The following GRIA1 variants were observed in gnomAD, a reference collection of about 807,000 sequenced individuals.
The protein encoded by GRIA1 is glutamate ionotropic receptor AMPA type subunit 1.
A neutral mutation model predicts 99.2 loss-of-function variants in GRIA1; 31 were observed. The ratio of observed to expected loss-of-function variants is 0.31; its 90% CI spans 0.23 to 0.42. The LOEUF (loss-of-function observed/expected upper bound fraction) is 0.42, where lower values mean the gene tolerates loss of function less well. Ranked by LOEUF, GRIA1 falls within the 10% of genes least tolerant of loss-of-function variation. The probability of loss-of-function intolerance (pLI) is 1.00; values close to 1 mark genes in which losing one functional copy is unlikely to be tolerated. For missense variants in GRIA1, 782 were observed against 1,157.5 expected, an observed-to-expected ratio of 0.68 and a Z score of 4.71; for synonymous variants, 438 against 432.4, an observed-to-expected ratio of 1.01 and a Z score of -0.16.
At chr5:153,617,740 TA>T (rs1766645016) in intron 2 of GRIA1, among the ~76,000 whole-genome samples, 1 of 152,150 alleles carries the variant, frequency 6.6e-6, no homozygotes, top group South Asian at 2.1e-4. Flanking sequence ...TATGACCAAC[TA>T]AAAACTGCTT....
chr5:153,683,757 C>T (rs924125573), intron 7 of GRIA1, among the ~76,000 whole-genome samples: 1 of 152,074 alleles, frequency 6.6e-6, no homozygotes, highest in African/African-American at 2.4e-5. Flanking sequence ...TAGTAGTAGT[C>T]GTCATTATCA....
Position 153,563,614 on chromosome 5 carries a change from T to G in GRIA1, c.220+69549T>G, listed in dbSNP as rs547313446. On this transcript the variant is annotated intron_variant, in intron 2 of 15. Coordinates refer to ENST00000285900, the MANE Select transcript of GRIA1 (RefSeq NM_000827.4). ...GCTTCCACCTCCCACTGACAGTGTA[T>G]GCTTTCCATCAAATATGTGTAATAT... Among the ~76,000 whole-genome samples, 14 of 152,342 alleles carry G rather than the reference T, an allele frequency of 9.2e-5. No homozygotes were observed. The South Asian group carries it at 2.9e-3, about 32-fold the overall frequency.
chr5:153,707,690 ATAT>A (rs1458161739), intron 11 of GRIA1, among the ~76,000 whole-genome samples: 2 of 152,158 alleles, frequency 1.3e-5, no homozygotes, highest in Non-Finnish European at 2.9e-5. Flanking sequence ...AGGAGGACCA[ATAT>A]TCCTAAGCGG....
intron 2 of GRIA1, among the ~76,000 whole-genome samples, chr5:153,630,082 T>A (rs1581365749): frequency 6.6e-6 from 1 of 151,564 alleles, no homozygotes; most frequent in East Asian, 1.9e-4. Flanking sequence ...TGCCTACCTA[T>A]GTTTTAGTCC....
At chr5:153,510,784 C>A (rs769298007) in intron 2 of GRIA1, among the ~76,000 whole-genome samples, 4 of 152,108 alleles carry the variant, frequency 2.6e-5, no homozygotes, top group Non-Finnish European at 5.9e-5. Context: ...CATAAAGTTA[C>A]CTGACATCAA....
chr5:153,505,146 C>T (rs906933568), intron 2 of GRIA1, among the ~76,000 whole-genome samples: 13 of 152,160 alleles, frequency 8.5e-5, no homozygotes, highest in African/African-American at 3.1e-4. Context: ...GGTTCTTTTA[C>T]ATAGGTCATG....
At chr5:153,706,568 G>T (rs1758910883) in intron 11 of GRIA1, among the ~76,000 whole-genome samples, 1 of 152,208 alleles carries the variant, frequency 6.6e-6, no homozygotes, top group Non-Finnish European at 1.5e-5. Context: ...GATTCAGAAT[G>T]CTGTCCTTTC....
intron 11 of GRIA1, among the ~76,000 whole-genome samples, chr5:153,720,167 G>A (rs1311446165): frequency 6.6e-5 from 10 of 152,182 alleles, no homozygotes; most frequent in African/African-American, 2.4e-4. Context: ...GGTTGAAGAA[G>A]TTCACATAGC....
intron 2 of GRIA1, among the ~76,000 whole-genome samples, chr5:153,604,574 T>C (rs957521422): frequency 3.9e-5 from 6 of 152,304 alleles, no homozygotes; most frequent in Non-Finnish European, 4.4e-5. Context: ...GGAATGCTCT[T>C]GTGCCCATCC....
At chr5:153,516,926 C>T (rs978256994) in intron 2 of GRIA1, among the ~76,000 whole-genome samples, 4 of 152,056 alleles carry the variant, frequency 2.6e-5, no homozygotes, top group African/African-American at 9.7e-5. Context: ...CATTCATGGC[C>T]GTATTATGAA....
intron 2 of GRIA1, among the ~76,000 whole-genome samples, chr5:153,551,720 T>C (rs1760161181): frequency 6.6e-6 from 1 of 152,176 alleles, no homozygotes; most frequent in Non-Finnish European, 1.5e-5. Flanking sequence ...CCAATCACTA[T>C]GCTTTCATAG....
chr5:153,750,868 C>T (rs1240874715), intron 11 of GRIA1, among the ~76,000 whole-genome samples: 1 of 152,154 alleles, frequency 6.6e-6, no homozygotes, highest in Non-Finnish European at 1.5e-5. Context: ...GAGGCTGAGG[C>T]AGCCGGATCA....
intron 8 of GRIA1, among the ~76,000 whole-genome samples, chr5:153,690,572 A>G (rs1434885878): frequency 2.6e-5 from 4 of 152,116 alleles, no homozygotes; most frequent in African/African-American, 9.7e-5. Flanking sequence ...TTCAGCCCAC[A>G]TTTGTTTACT....
At chr5:153,715,745 T>C (rs1759623021) in intron 11 of GRIA1, among the ~76,000 whole-genome samples, 2 of 152,200 alleles carry the variant, frequency 1.3e-5, no homozygotes, top group African/African-American at 4.8e-5. Flanking sequence ...CTGTTTCTTA[T>C]TGAGACTGGT....
chr5:153,666,911 C>T (rs1400219982), intron 5 of GRIA1, among the ~76,000 whole-genome samples: 1 of 152,176 alleles, frequency 6.6e-6, no homozygotes, highest in Non-Finnish European at 1.5e-5. Context: ...ATCTCTTCCC[C>T]ATGACAACCC....
intron 2 of GRIA1, among the ~76,000 whole-genome samples, chr5:153,608,446 T>C (rs1317589265): frequency 6.6e-6 from 1 of 152,220 alleles, no homozygotes; most frequent in African/African-American, 2.4e-5. Context: ...ATTTTCTCTT[T>C]ATATGTTTCA....
At chr5:153,696,611 A>G (rs997004062) in intron 8 of GRIA1, among the ~76,000 whole-genome samples, 3 of 152,250 alleles carry the variant, frequency 2.0e-5, no homozygotes, top group Non-Finnish European at 4.4e-5. Flanking sequence ...TGGGAAAGAC[A>G]TGAAGGTGAA....
At chr5:153,629,541 A>G (rs1375229816) in intron 2 of GRIA1, among the ~76,000 whole-genome samples, 2 of 152,164 alleles carry the variant, frequency 1.3e-5, no homozygotes, top group Non-Finnish European at 2.9e-5. Context: ...TTACAGGACA[A>G]CTCTAGCTGT....
chr5:153,710,721 G>T (rs2149526846), intron 11 of GRIA1, among the ~76,000 whole-genome samples: 1 of 152,280 alleles, frequency 6.6e-6, no homozygotes, highest in East Asian at 1.9e-4. Flanking sequence ...GGTTCTAAGT[G>T]CTGAGGATAT....
Sources: allele counts gnomAD v4.1 joint callset (sites outside exome capture counted in the v4.1 genomes callset), GRCh38; gene constraint gnomAD v4.1.1; transcripts MANE v1.5; gene names NCBI Gene and HGNC (gene_info 2026-07-23, HGNC 2026-07-21).